Variants in MTX2 observed in about 807,000 individuals in gnomAD.
The protein encoded by MTX2 is metaxin-2.
MTX2 carries 35 observed loss-of-function variants against 42.3 expected under a neutral mutation model. The ratio of observed to expected loss-of-function variants is 0.83; its 90% CI spans 0.63 to 1.10. MTX2 has a LOEUF of 1.10. Ranked by LOEUF, MTX2 falls within the 50% of genes least tolerant of loss-of-function variation. The pLI is 0.00. For synonymous variants in MTX2, 119 were observed against 100.9 expected (o/e 1.18, Z -1.08); for missense variants, 307 against 304.1 (o/e 1.01, Z -0.07).
At chr2:176,335,315 A>G (rs1366395002) in intron 9 of MTX2, among the ~76,000 whole-genome samples, 1 of 152,096 alleles carries the variant, frequency 6.6e-6, no homozygotes, top group Non-Finnish European at 1.5e-5. Context: ...GTTGTATGCT[A>G]TGAATGGTAG....
At chr2:176,293,349 A>G (rs1401560779) in intron 1 of MTX2, among the ~76,000 whole-genome samples, 1 of 152,240 alleles carries the variant, frequency 6.6e-6, no homozygotes, top group Non-Finnish European at 1.5e-5. Flanking sequence ...AAACACAATT[A>G]GAAATATACC....
chr2:176,301,263 A>G (rs1263591493), intron 3 of MTX2, among the ~76,000 whole-genome samples: 1 of 152,134 alleles, frequency 6.6e-6, no homozygotes, highest in Non-Finnish European at 1.5e-5. Context: ...CAGTACTATT[A>G]TTATCCTCAT....
At chr2:176,293,281 C>A (rs923878281) in intron 1 of MTX2, among the ~76,000 whole-genome samples, 5 of 152,126 alleles carry the variant, frequency 3.3e-5, no homozygotes, top group African/African-American at 1.2e-4. Context: ...TTTAAAAAAT[C>A]AGCCAGAATT....
chr2:176,328,430 A>T, intron 6 of MTX2, 45 bp downstream of exon 6: 1 of 1,209,840 alleles, frequency 8.3e-7, no homozygotes, highest in Non-Finnish European at 1.1e-6. Context: ...TTTTTCTCTC[A>T]TTCTCATAAA....
rs571430507 is a variant in MTX2 at position 176,299,364 on chromosome 2, A to G, written c.135+1469A>G. Among the ~76,000 whole-genome samples, 80 of 152,248 alleles carry G rather than the reference A, an allele frequency of 5.3e-4. No homozygotes were observed. The South Asian group carries it at 0.014, about 27-fold the overall frequency. ...CCAAAATACCAGTATATTACCATTT[A>G]AAAAAACTAACGTTTTAAATAACCC... is the stretch of plus-strand genomic sequence containing the variant. On this transcript the variant is annotated intron_variant, in intron 3 of 9. Transcript: ENST00000249442.
At chr2:176,302,810 A>G (rs2105419049) in intron 3 of MTX2, among the ~76,000 whole-genome samples, 1 of 152,312 alleles carries the variant, frequency 6.6e-6, no homozygotes, top group South Asian at 2.1e-4. Flanking sequence ...GATGATAAAT[A>G]CTTAGCTGAC....
intron 3 of MTX2, 110 bp downstream of exon 3, chr2:176,298,005 AT>A (rs1211827797): frequency 4.6e-6 from 3 of 648,758 alleles, no homozygotes; most frequent in Middle Eastern, 2.8e-4. Flanking sequence ...ATATGTTTAG[AT>A]TTTTTTCTGT....
At chr2:176,272,080 C>A (rs1230570554) in intron 1 of MTX2, among the ~76,000 whole-genome samples, 1 of 152,028 alleles carries the variant, frequency 6.6e-6, no homozygotes, top group Non-Finnish European at 1.5e-5. Context: ...AAGAAGGAAA[C>A]CCTATCATTT....
intron 7 of MTX2, among the ~76,000 whole-genome samples, 188 bp downstream of exon 7, chr2:176,329,100 G>A (rs1437144384): frequency 6.6e-6 from 1 of 151,102 alleles, no homozygotes. Flanking sequence ...TTGATATAAC[G>A]GGTTGCAAAG....
intron 3 of MTX2, among the ~76,000 whole-genome samples, chr2:176,307,002 T>C (rs1205819794): frequency 1.3e-5 from 2 of 152,236 alleles, no homozygotes; most frequent in Non-Finnish European, 2.9e-5. Flanking sequence ...TCCTGAATGG[T>C]ATTGCCTAGG....
chr2:176,282,138 T>TG (rs1553471204), intron 1 of MTX2, among the ~76,000 whole-genome samples: 2 of 139,314 alleles, frequency 1.4e-5, no homozygotes, highest in Non-Finnish European at 3.1e-5. Context: ...TTTTTTTTTT[T>TG]TTTTTTTTTT....
At chr2:176,331,098 G>A in intron 9 of MTX2, among the ~76,000 whole-genome samples, 1 of 151,130 alleles carries the variant, frequency 6.6e-6, no homozygotes, top group South Asian at 2.1e-4. Context: ...TTGTTTGATG[G>A]ACAAGCACTA....
In MTX2 at chr2:176,297,042, G is replaced by A. The variant is rs1683904922; in HGVS notation, c.88+135G>A. 13 of 968,764 alleles carry A rather than the reference G, an allele frequency of 1.3e-5. No individual in the cohort carries two copies. In the South Asian group the frequency reaches 1.9e-4, roughly 14 times the overall value. The allele number at this position is 968,764 out of a possible 1,614,324, so 60.0% of individuals were successfully genotyped here. On this transcript the variant is annotated intron_variant, in intron 2 of 9. Coordinates refer to ENST00000249442, the MANE Select transcript of MTX2 (RefSeq NM_006554.5). ...ATTCCCTTGTATAATTTGTCTAGGA[G>A]GTTTTACCTGAACTTGTATCTGCCA...
intron 3 of MTX2, among the ~76,000 whole-genome samples, chr2:176,314,745 T>C (rs966842768): frequency 3.9e-5 from 6 of 152,180 alleles, no homozygotes; most frequent in African/African-American, 1.4e-4. Context: ...AGTGGTTCCT[T>C]CATGTGTAAC....
intron 5 of MTX2, among the ~76,000 whole-genome samples, chr2:176,327,271 T>C (rs930465507): frequency 6.0e-5 from 9 of 151,244 alleles, no homozygotes; most frequent in Middle Eastern, 3.4e-3. Flanking sequence ...ATACAGGATT[T>C]GTTTGAAGTT....
intron 3 of MTX2, among the ~76,000 whole-genome samples, chr2:176,300,559 G>T (rs1683999109): frequency 6.6e-6 from 1 of 152,144 alleles, no homozygotes; most frequent in African/African-American, 2.4e-5. Context: ...TGGCTTTTGT[G>T]TTAGACACTG....
intron 3 of MTX2, among the ~76,000 whole-genome samples, chr2:176,318,471 ATT>A (rs1347417824): frequency 6.6e-6 from 1 of 152,174 alleles, no homozygotes; most frequent in Admixed American, 6.6e-5. Flanking sequence ...TAGTCACTAA[ATT>A]TATATATAAA....
At position 176,270,526 on chromosome 2, in the gene MTX2, T is replaced by C. The variant is rs1277791930; in HGVS notation, c.40+857T>C. 12 of 726,300 alleles carry C rather than the reference T, an allele frequency of 1.7e-5. No individual in the cohort carries two copies. The East Asian group carries it at 5.4e-4, about 33-fold the overall frequency. 45.0% of individuals were successfully genotyped at this position (726,300 alleles called of 1,614,324 possible). A position where few individuals can be genotyped will look rare whatever the true frequency, so the allele number is the denominator to read the frequency against. ...ATAGGTACTTTGAGATAGAGGCTAATGGAATTAGTCATAACTCCCTAGCAG... is the reference window on the plus strand; with the variant it reads ...ATAGGTACTTTGAGATAGAGGCTAACGGAATTAGTCATAACTCCCTAGCAG... On this transcript the variant is annotated intron_variant, in intron 1 of 9. Transcript: ENST00000249442.
At chr2:176,278,931 A>G (rs373861889) in intron 1 of MTX2, among the ~76,000 whole-genome samples, 43 of 152,292 alleles carry the variant, frequency 2.8e-4, no homozygotes, top group East Asian at 9.6e-4. Flanking sequence ...TGTACGCTCT[A>G]TAAATGAATT....
Sources: allele counts gnomAD v4.1 joint callset (sites outside exome capture counted in the v4.1 genomes callset), GRCh38; gene constraint gnomAD v4.1.1; transcripts MANE v1.5; gene names NCBI Gene and HGNC (gene_info 2026-07-23, HGNC 2026-07-21).